The following BCAS3 variants were observed in gnomAD, a reference collection of about 807,000 sequenced individuals.
BCAS3 encodes BCAS4/BCAS3 fusion.
BCAS3 carries 53 observed loss-of-function variants against 116.1 expected under a neutral mutation model. That is an observed-to-expected ratio of 0.46 (90% CI 0.37 to 0.57). The LOEUF is 0.57. Ranked by LOEUF, BCAS3 falls within the 20% of genes least tolerant of loss-of-function variation. The pLI, the probability that BCAS3 is intolerant of heterozygous loss-of-function variation, is 0.00. For missense variants in BCAS3, 917 were observed against 1,165.4 expected (o/e 0.79, Z 3.10); for synonymous variants, 391 against 408.2 (o/e 0.96, Z 0.51).
chr17:61,107,082 C>CGT (rs2074706726), intron 22 of BCAS3, among the ~76,000 whole-genome samples: 1 of 106,388 alleles, frequency 9.4e-6, no homozygotes, highest in Non-Finnish European at 1.7e-5. Flanking sequence ...ACTAGGCTTA[C>CGT]TTTTTTTTTT....
chr17:61,091,211 T>A (rs1163477266), intron 22 of BCAS3, among the ~76,000 whole-genome samples: 1 of 152,228 alleles, frequency 6.6e-6, no homozygotes, highest in Non-Finnish European at 1.5e-5. Flanking sequence ...TGGCTTTAAA[T>A]CTTTCCTAAG....
intron 19 of BCAS3, among the ~76,000 whole-genome samples, chr17:61,059,433 G>T (rs914130415): frequency 1.3e-5 from 2 of 152,022 alleles, no homozygotes; most frequent in African/African-American, 2.4e-5. Context: ...CAGGATCATT[G>T]TTAGATAATA....
chr17:60,964,330 A>G lies in BCAS3; in HGVS notation c.1221+16978A>G, dbSNP rs893502545. Among the ~76,000 whole-genome samples the G allele has an allele frequency of 1.3e-5, 2 of 152,190 alleles. No homozygotes were observed. The highest frequency in any genetic ancestry group is 6.5e-5 in the Admixed American group (1 of 15,274). On this transcript the variant is annotated intron_variant, in intron 14 of 23. Transcript: ENST00000407086. This position sits in a 1 kb window ranked among gnomAD's most constrained non-coding sequence, Gnocchi z 4.6. ...GTTTTTGATTCTGTTAATATGATAT[A>G]TCATGTTTATTGAGTTGCTTATGTT...
intron 15 of BCAS3, among the ~76,000 whole-genome samples, chr17:60,991,500 C>T (rs186682317): frequency 1.6e-4 from 24 of 152,250 alleles, no homozygotes; most frequent in Admixed American, 1.2e-3. Context: ...CGACAGAAAA[C>T]GTTGACATTA....
chr17:60,882,168 A>C (rs1028238126), intron 9 of BCAS3, among the ~76,000 whole-genome samples: 3 of 152,010 alleles, frequency 2.0e-5, no homozygotes, highest in Admixed American at 1.3e-4. Context: ...TTGTGGTTTT[A>C]ATTTGCATTT....
chr17:61,115,647 T>G (rs1383504841), intron 22 of BCAS3, among the ~76,000 whole-genome samples: 1 of 135,640 alleles, frequency 7.4e-6, no homozygotes, highest in Non-Finnish European at 1.6e-5. Context: ...TTGATGGGAC[T>G]GTAAACTAGT....
chr17:60,890,431 C>G (rs1020084622), intron 10 of BCAS3, among the ~76,000 whole-genome samples: 2 of 150,550 alleles, frequency 1.3e-5, no homozygotes, highest in African/African-American at 4.9e-5. Flanking sequence ...TCCGTCTGGG[C>G]AACAGAGTGA....
In BCAS3 at chr17:61,388,679, T is replaced by G. The variant is rs1173525059; in HGVS notation, c.2594-3298T>G. The G allele has an allele frequency of 6.5e-7, 1 of 1,548,728 alleles. No individual in the cohort carries two copies. The highest frequency in any genetic ancestry group is 8.7e-7 in the Non-Finnish European group (1 of 1,155,374). On this transcript the variant is annotated intron_variant, in intron 23 of 23. Coordinates refer to ENST00000407086, the MANE Select transcript of BCAS3 (RefSeq NM_017679.5). The surrounding 1 kb of genome is among the most constrained non-coding windows in gnomAD (Gnocchi z 6.5). ...CCAGCGTCCGTGAGCAACCCAACAG[T>G]AACAAAGCATGCGTTCGGGATGGAG...
At position 60,920,742 on chromosome 17, in the gene BCAS3, T is replaced by C. The variant is rs529993582; in HGVS notation, c.994-3665T>C. Among the ~76,000 whole-genome samples, 473 of 151,882 alleles carry C rather than the reference T, an allele frequency of 3.1e-3. 1 individual carries two copies. Among genetic ancestry groups the C allele is most frequent in the Middle Eastern group, 0.017 (5 of 294 alleles). ...AAAATTAGCTGGGCGTGGTGGCGGG[T>C]GCCCATAGTCCCAGCTACTCGGGAG... On this transcript the variant is annotated intron_variant, in intron 12 of 23. Coordinates refer to ENST00000407086, the MANE Select transcript of BCAS3 (RefSeq NM_017679.5).
intron 13 of BCAS3, among the ~76,000 whole-genome samples, chr17:60,945,191 ATAACTC>A (rs1456298994): frequency 6.6e-6 from 1 of 152,234 alleles, no homozygotes; most frequent in Non-Finnish European, 1.5e-5. Context: ...ACCATTTATA[ATAACTC>A]TAAAAGACAA....
At chr17:61,245,915 T>C (rs1240581831) in intron 22 of BCAS3, among the ~76,000 whole-genome samples, 1 of 152,198 alleles carries the variant, frequency 6.6e-6, no homozygotes, top group Non-Finnish European at 1.5e-5. Context: ...GGGTCCATTA[T>C]TGGTGCACTC....
At position 61,392,373 on chromosome 17, in the gene BCAS3, C is replaced by T. The variant is rs539862069; in HGVS notation, c.*248C>T. 2 of 377,730 alleles carry T rather than the reference C, an allele frequency of 5.3e-6. No individual in the cohort carries two copies. The highest frequency in any genetic ancestry group is 4.3e-5 in the East Asian group (1 of 23,050). 23.4% of individuals were successfully genotyped at this position (377,730 alleles called of 1,614,324 possible). ...AGGAGAGACTGTAGAAGCTCGGTCC[C>T]TGTGTATGTTTGCATATGACATCCT... On this transcript the variant is annotated 3_prime_UTR_variant, in exon 24 of 24. Transcript: ENST00000407086. The surrounding 1 kb of genome is among the most constrained non-coding windows in gnomAD (Gnocchi z 6.4).
chr17:61,271,990 TGTA>T (rs2050326316), intron 22 of BCAS3, among the ~76,000 whole-genome samples: 1 of 151,568 alleles, frequency 6.6e-6, no homozygotes, highest in African/African-American at 2.4e-5. Context: ...TTTTATTTTT[TGTA>T]GAGATGATGT....
intron 10 of BCAS3, among the ~76,000 whole-genome samples, chr17:60,890,822 A>T (rs1196320386): frequency 6.6e-6 from 1 of 152,234 alleles, no homozygotes; most frequent in Non-Finnish European, 1.5e-5. Flanking sequence ...CTTGAGATTA[A>T]TATGAATTAA....
chr17:61,040,244 T>C (rs1309191613), intron 18 of BCAS3, among the ~76,000 whole-genome samples: 3 of 152,240 alleles, frequency 2.0e-5, no homozygotes, highest in Non-Finnish European at 2.9e-5. Flanking sequence ...ATTGATCTGA[T>C]CAATATCTGA....
At chr17:61,335,906 C>T (rs1487485191) in intron 22 of BCAS3, among the ~76,000 whole-genome samples, 5 of 152,376 alleles carry the variant, frequency 3.3e-5, no homozygotes, top group Middle Eastern at 3.4e-3. Flanking sequence ...GAGAGGGTAC[C>T]GCCCAGCCTA....
intron 22 of BCAS3, among the ~76,000 whole-genome samples, chr17:61,284,675 T>C (rs1342949270): frequency 6.6e-6 from 1 of 152,136 alleles, no homozygotes; most frequent in African/African-American, 2.4e-5. Flanking sequence ...CTTTTTTTTT[T>C]TCCCTCCTGC....
chr17:60,812,509 T>C (rs754844804), intron 7 of BCAS3, among the ~76,000 whole-genome samples: 6 of 152,140 alleles, frequency 3.9e-5, no homozygotes, highest in Non-Finnish European at 8.8e-5. Flanking sequence ...AGACAGGAGA[T>C]GTGATAGTTT....
At chr17:60,782,951 G>A (rs962060741) in intron 6 of BCAS3, among the ~76,000 whole-genome samples, 6 of 152,062 alleles carry the variant, frequency 3.9e-5, no homozygotes, top group Non-Finnish European at 7.4e-5. Flanking sequence ...GGCCCCAAAT[G>A]CATGCATACG....
Sources: allele counts gnomAD v4.1 joint callset (sites outside exome capture counted in the v4.1 genomes callset), GRCh38; gene constraint gnomAD v4.1.1; non-coding constraint Gnocchi (gnomAD v3.1); transcripts MANE v1.5; gene names NCBI Gene and HGNC (gene_info 2026-07-23, HGNC 2026-07-21).